Variants in NEDD9 observed in about 807,000 individuals in gnomAD.
NEDD9 encodes neural precursor cell expressed, developmentally down-regulated 9.
A neutral mutation model predicts 76.6 loss-of-function variants in NEDD9; 26 were observed. The ratio of observed to expected loss-of-function variants is 0.34; its 90% CI spans 0.25 to 0.47. The LOEUF (loss-of-function observed/expected upper bound fraction) is 0.47, where lower values mean the gene tolerates loss of function less well. Among genes scored for constraint, NEDD9 ranks in the 20% least tolerant of loss-of-function variants. NEDD9 has a pLI of 1.00. For synonymous variants in NEDD9, 392 were observed against 414.2 expected (o/e 0.95, Z 0.65); for missense variants, 937 against 1,058.5 (o/e 0.89, Z 1.59).
exon 1 of NEDD9, chr6:11,382,229 C>T (rs570105989): frequency 5.9e-5 from 9 of 152,372 alleles, no homozygotes; most frequent in South Asian, 2.1e-4. Context: ...GACAGCTAGT[C>T]CTGCTGCATG....
Position 11,184,348 on chromosome 6 carries a change from A to AT in NEDD9, c.*813_*814insA, listed in dbSNP as rs982003653. The AT allele has an allele frequency of 1.3e-5, 2 of 152,248 alleles. No individual in the cohort carries two copies. The highest frequency in any genetic ancestry group is 4.8e-5 in the African/African-American group (2 of 41,464). 9.4% of individuals were successfully genotyped at this position (152,248 alleles called of 1,614,324 possible). A position where few individuals can be genotyped will look rare whatever the true frequency, so the allele number is the denominator to read the frequency against. ...TGCAAATATGGTTTTTACAACTCTA[A>AT]AAACATCTTTTGGAAAACCTCATGA... On this transcript the variant is annotated 3_prime_UTR_variant, in exon 7 of 7. Transcript: ENST00000379446.
chr6:11,259,319 G>C (rs528873208), intron 3 of NEDD9, among the ~76,000 whole-genome samples: 1 of 152,184 alleles, frequency 6.6e-6, no homozygotes, highest in Non-Finnish European at 1.5e-5. Flanking sequence ...ACCTGGAAGG[G>C]GGCAGCAAGG....
intron 1 of NEDD9, among the ~76,000 whole-genome samples, chr6:11,229,166 C>G (rs72827149): frequency 0.019 from 2,909 of 152,340 alleles, 41 homozygotes; most frequent in South Asian, 0.045. Flanking sequence ...CTCTGACTTT[C>G]AGAATGCACC....
intron 2 of NEDD9, among the ~76,000 whole-genome samples, chr6:11,306,871 G>A (rs768474724): frequency 1.3e-5 from 2 of 152,114 alleles, no homozygotes; most frequent in South Asian, 2.1e-4. Context: ...CTGGGCTTTC[G>A]GTGAGTTAGT....
intron 3 of NEDD9, among the ~76,000 whole-genome samples, chr6:11,296,679 C>CCCTTCCTTCCTTCCTTCCTT (rs529125193): frequency 4.8e-4 from 45 of 92,974 alleles, no homozygotes; most frequent in African/African-American, 1.3e-3. Flanking sequence ...CCTTTCCTTT[C>CCCTTCCTTCCTTCCTTCCTT]CCTTCCTTCC....
At chr6:11,248,729 C>G (rs1216552321) in intron 3 of NEDD9, among the ~76,000 whole-genome samples, 2 of 152,168 alleles carry the variant, frequency 1.3e-5, no homozygotes, top group Non-Finnish European at 2.9e-5. Flanking sequence ...TGGCACTAAG[C>G]CCCCAGCACA....
intron 1 of NEDD9, among the ~76,000 whole-genome samples, chr6:11,231,891 C>T (rs78787402): frequency 0.017 from 2,639 of 152,252 alleles, 88 homozygotes; most frequent in African/African-American, 0.061. Context: ...CATTCAAACT[C>T]CAATAAAAAT....
chr6:11,241,608 C>T lies in NEDD9; in HGVS notation c.13-27881G>A, dbSNP rs964676088. Among the ~76,000 whole-genome samples, 5 of 152,164 alleles carry T rather than the reference C, an allele frequency of 3.3e-5. No homozygotes were observed. The highest frequency in any genetic ancestry group is 7.3e-5 in the Non-Finnish European group (5 of 68,036). On this transcript the variant is annotated intron_variant, in intron 3 of 3. Coordinates refer to the NEDD9 transcript ENST00000397378. The surrounding 1 kb of genome is among the most constrained non-coding windows in gnomAD (Gnocchi z 4.0). ...CAGCCATCCAGCATAGCTCCGGGGG[C>T]GGAGGTAGGGACAGTACACAATGGG...
intron 3 of NEDD9, among the ~76,000 whole-genome samples, chr6:11,284,391 TAAAAAAA>T (rs1168452567): frequency 4.3e-5 from 3 of 70,208 alleles, no homozygotes; most frequent in South Asian, 4.6e-4. Context: ...CCGTCTCTAC[TAAAAAAA>T]AAAAAAAAAA....
At chr6:11,291,349 A>C (rs1456644789) in intron 3 of NEDD9, among the ~76,000 whole-genome samples, 1 of 132,836 alleles carries the variant, frequency 7.5e-6, no homozygotes, top group Non-Finnish European at 1.5e-5. Flanking sequence ...ATCTCTGCTC[A>C]CTGCAAGCTC....
At chr6:11,247,730 A>G (rs1323329265) in intron 3 of NEDD9, among the ~76,000 whole-genome samples, 1 of 152,238 alleles carries the variant, frequency 6.6e-6, no homozygotes, top group East Asian at 1.9e-4. Context: ...GAGATTGGCT[A>G]TTTACATTTT....
intron 1 of NEDD9, among the ~76,000 whole-genome samples, chr6:11,367,941 G>A (rs1582053140): frequency 6.6e-6 from 1 of 152,338 alleles, no homozygotes; most frequent in East Asian, 1.9e-4. Context: ...GTATGAGACT[G>A]GACCTTGGTT....
chr6:11,323,543 G>C (rs1005070187), intron 2 of NEDD9, among the ~76,000 whole-genome samples: 3 of 152,136 alleles, frequency 2.0e-5, no homozygotes, highest in Non-Finnish European at 2.9e-5. Flanking sequence ...AGGGAAAGGG[G>C]GTTGCTACTA....
chr6:11,344,072 C>G (rs1762321306), intron 1 of NEDD9, among the ~76,000 whole-genome samples: 2 of 152,158 alleles, frequency 1.3e-5, no homozygotes, highest in Non-Finnish European at 1.5e-5. Flanking sequence ...TATCTATCAC[C>G]AAGCAATCTA....
At chr6:11,381,558 G>T (rs946283491) in intron 1 of NEDD9, among the ~76,000 whole-genome samples, 4 of 152,180 alleles carry the variant, frequency 2.6e-5, no homozygotes, top group African/African-American at 9.7e-5. Flanking sequence ...AAAAGTAAGG[G>T]TGGAGCTCTT....
chr6:11,220,185 G>A lies in NEDD9; in HGVS notation c.13-6458C>T, dbSNP rs781202590. On this transcript the variant is annotated intron_variant, in intron 1 of 6. Coordinates refer to ENST00000379446, the MANE Select transcript of NEDD9 (RefSeq NM_006403.4). ...GGCATCCTTCTGCCCACTGCTGAGA[G>A]GTGTTCAACATTTCCCACAAGGCCT... Among the ~76,000 whole-genome samples, 246 of 152,020 alleles carry A rather than the reference G, an allele frequency of 1.6e-3. 2 individuals carry two copies. Among genetic ancestry groups the A allele is most frequent in the Admixed American group, 6.5e-3 (99 of 15,252 alleles).
intron 3 of NEDD9, among the ~76,000 whole-genome samples, chr6:11,281,707 G>A (rs764116019): frequency 6.6e-6 from 1 of 152,002 alleles, no homozygotes; most frequent in Non-Finnish European, 1.5e-5. Flanking sequence ...ATATGTTTGA[G>A]CCAATGAGAT....
chr6:11,279,482 C>T (rs368749771), intron 3 of NEDD9, among the ~76,000 whole-genome samples: 1 of 152,378 alleles, frequency 6.6e-6, no homozygotes, highest in East Asian at 1.9e-4. Context: ...TCGTGTGTCT[C>T]AGCGTGGGCT....
chr6:11,355,439 C>T (rs1762547293), intron 1 of NEDD9, among the ~76,000 whole-genome samples: 1 of 152,088 alleles, frequency 6.6e-6, no homozygotes, highest in African/African-American at 2.4e-5. Context: ...ATAAATCAGC[C>T]AAAACGCAAG....
Sources: gnomAD v4.1 joint callset for allele counts (sites outside exome capture counted in the v4.1 genomes callset) on GRCh38, gnomAD v4.1.1 for gene constraint, Gnocchi (gnomAD v3.1) non-coding constraint, MANE v1.5 for transcripts, NCBI Gene and HGNC (gene_info 2026-07-23, HGNC 2026-07-21) for gene names.